The following IFT74 variants were observed in gnomAD, a reference collection of about 807,000 sequenced individuals.
IFT74 encodes the protein intraflagellar transport 74, also known as intraflagellar transport protein 74 homolog.
IFT74 carries 92 observed loss-of-function variants against 96.7 expected under a neutral mutation model. The observed-to-expected ratio is 0.95, with a 90% CI of 0.80 to 1.13. The LOEUF is 1.13. IFT74 is among the 50% of genes most tolerant of loss of function. IFT74 has a pLI of 0.00. For missense variants in IFT74, 811 were observed against 698.2 expected, an observed-to-expected ratio of 1.16 and a Z score of -1.82; for synonymous variants, 223 against 213.2, an observed-to-expected ratio of 1.05 and a Z score of -0.40.
chr9:27,051,953 ATAAAC>A (rs771236174), intron 16 of IFT74, among the ~76,000 whole-genome samples: 2 of 152,154 alleles, frequency 1.3e-5, no homozygotes, highest in African/African-American at 4.8e-5. Context: ...TCTCTTTTCT[ATAAAC>A]TAAATAATTT....
chr9:26,951,491 A>G (rs904795385), upstream of IFT74, among the ~76,000 whole-genome samples: 9 of 152,228 alleles, frequency 5.9e-5, no homozygotes, highest in African/African-American at 2.2e-4. Context: ...TGCATTGGAA[A>G]ATGATAGAAA....
At chr9:26,953,871 G>A (rs1826006310), upstream of IFT74, among the ~76,000 whole-genome samples, 1 of 152,078 alleles carries the variant, frequency 6.6e-6, no homozygotes, top group Non-Finnish European at 1.5e-5. Context: ...GAGTTATTTT[G>A]TTAACATTTT....
intron 2 of IFT74, among the ~76,000 whole-genome samples, chr9:26,973,007 CA>C: frequency 6.6e-6 from 1 of 152,088 alleles, no homozygotes; most frequent in Non-Finnish European, 1.5e-5. Context: ...AGAATTTGAC[CA>C]AAGACGTTAG....
intron 8 of IFT74, among the ~76,000 whole-genome samples, chr9:26,990,583 C>T (rs1217085942): frequency 2.6e-5 from 4 of 152,142 alleles, no homozygotes; most frequent in Non-Finnish European, 4.4e-5. Context: ...TACATTATTT[C>T]ATTAGCATTG....
chr9:27,046,178 A>C (rs1181535315), intron 14 of IFT74, among the ~76,000 whole-genome samples: 1 of 152,200 alleles, frequency 6.6e-6, no homozygotes, highest in African/African-American at 2.4e-5. Flanking sequence ...TTAATGTGTG[A>C]TCAACAGATT....
chr9:26,961,705 A>T (rs1395194720), intron 1 of IFT74, among the ~76,000 whole-genome samples: 1 of 152,166 alleles, frequency 6.6e-6, no homozygotes, highest in Non-Finnish European at 1.5e-5. Flanking sequence ...AAAGAAATAG[A>T]TAATAGAGGG....
In IFT74 at chr9:26,988,175, C is replaced by CTCCT. The variant is rs1344182332; in HGVS notation, c.466-493_466-490dup. 2.6e-5 allele frequency among the ~76,000 whole-genome samples: 4 copies of CTCCT among 152,124 alleles called. 1 individual carries two copies. The highest frequency in any genetic ancestry group is 2.6e-4 in the Admixed American group (4 of 15,268). On this transcript the variant is annotated intron_variant, in intron 6 of 19. Transcript: ENST00000380062. Reference sequence around the variant, plus strand: ...CCATGTTGGTCAGGCTGTTCTTGAACTCCTGACCTCAGGTGATCCGCCCGC... The same window carrying CTCCT: ...CCATGTTGGTCAGGCTGTTCTTGAACTCCTTCCTGACCTCAGGTGATCCGCCCGC...
chr9:27,019,906 T>G (rs1829516663), intron 12 of IFT74, among the ~76,000 whole-genome samples: 1 of 152,156 alleles, frequency 6.6e-6, no homozygotes, highest in Non-Finnish European at 1.5e-5. Flanking sequence ...TTTGAATACA[T>G]TTATTTGAAA....
chr9:26,969,271 A>G (rs922890529), intron 2 of IFT74, among the ~76,000 whole-genome samples: 1 of 152,022 alleles, frequency 6.6e-6, no homozygotes, highest in African/African-American at 2.4e-5. Flanking sequence ...GAAGATACAT[A>G]TATATTTAGG....
At chr9:27,060,694 C>T (rs1404596713) in intron 19 of IFT74, 43 bp downstream of exon 19, 1 of 1,456,972 alleles carries the variant, frequency 6.9e-7, no homozygotes, top group Admixed American at 1.8e-5. Flanking sequence ...TGCGGTGGCT[C>T]ATGCCTATAG....
upstream of IFT74, among the ~76,000 whole-genome samples, chr9:26,954,877 C>T (rs141109724): frequency 1.4e-4 from 21 of 152,166 alleles, no homozygotes; most frequent in African/African-American, 4.6e-4. Context: ...GAACCTAATA[C>T]ATAATGATCC....
At position 27,048,134 on chromosome 9, in the gene IFT74, C is replaced by A. The variant is rs1162316684; in HGVS notation, c.1207-14C>A. 11 of 1,529,978 alleles carry A rather than the reference C, an allele frequency of 7.2e-6. No individual in the cohort carries two copies. The highest frequency in any genetic ancestry group is 1.4e-5 in the African/African-American group (1 of 71,604). 94.8% of individuals were successfully genotyped at this position (1,529,978 alleles called of 1,614,324 possible). On this transcript the variant is annotated splice_polypyrimidine_tract_variant and intron_variant, in intron 15 of 19. Transcript: ENST00000380062. ...AGTGGATTTTTTTCTATTTTTATTT[C>A]TCTGCAAATGCAGAATATAAATCGT...
chr9:26,955,099 AG>A (rs1158953355), upstream of IFT74, among the ~76,000 whole-genome samples: 4 of 152,208 alleles, frequency 2.6e-5, no homozygotes, highest in Non-Finnish European at 5.9e-5. Context: ...AATATCTGTC[AG>A]GGTCCTTAAG....
chr9:27,023,143 CCTTTATTCATTT>C (rs1666175082), intron 12 of IFT74, among the ~76,000 whole-genome samples: 1 of 151,914 alleles, frequency 6.6e-6, no homozygotes, highest in Middle Eastern at 3.2e-3. Context: ...ATGTAGATGC[CCTTTATTCATTT>C]CTTTTTTCTG....
At chr9:26,969,610 T>G (rs192575729) in intron 2 of IFT74, among the ~76,000 whole-genome samples, 1 of 152,208 alleles carries the variant, frequency 6.6e-6, no homozygotes, top group East Asian at 1.9e-4. Flanking sequence ...GTTCCTGTCA[T>G]TTTGTTAGTT....
At chr9:26,974,621 A>T (rs1387983835) in intron 2 of IFT74, among the ~76,000 whole-genome samples, 1 of 152,072 alleles carries the variant, frequency 6.6e-6, no homozygotes, top group African/African-American at 2.4e-5. Flanking sequence ...TTAAGCGGGA[A>T]ATTTTTGGTC....
At chr9:27,016,335 C>T (rs977229993) in intron 10 of IFT74, among the ~76,000 whole-genome samples, 1 of 152,140 alleles carries the variant, frequency 6.6e-6, no homozygotes, top group African/African-American at 2.4e-5. Context: ...TTATAAAGGG[C>T]ACCATCATAT....
chr9:26,951,172 G>A (rs1247652640), intron 1 of IFT74, among the ~76,000 whole-genome samples: 1 of 152,186 alleles, frequency 6.6e-6, no homozygotes, highest in East Asian at 1.9e-4. Context: ...CACAGTTTAT[G>A]TTCTCAATAT....
rs1282668763 is a variant in IFT74 at position 26,980,555 on chromosome 9, A to C, written c.257-16A>C. ...ATTTCGAACTGAACACTAACACTTA[A>C]AACATTTTTTTTTAGGTCCCCAGAG... On this transcript the variant is annotated splice_polypyrimidine_tract_variant and intron_variant, in intron 3 of 19. Transcript: ENST00000380062. 2 of 1,576,970 alleles carry C rather than the reference A, an allele frequency of 1.3e-6. No homozygotes were observed. The highest frequency in any genetic ancestry group is 2.7e-5 in the African/African-American group (2 of 74,046).
Sources: gnomAD v4.1 joint callset for allele counts (sites outside exome capture counted in the v4.1 genomes callset) on GRCh38, gnomAD v4.1.1 for gene constraint, MANE v1.5 for transcripts, NCBI Gene and HGNC (gene_info 2026-07-23, HGNC 2026-07-21) for gene names.